PTCH1: variants seen among roughly 807,000 people sequenced by gnomAD.
PTCH1 encodes the protein patched 1.
In PTCH1, 14 loss-of-function variants were observed where a neutral mutation model predicts 144.6. The ratio of observed to expected loss-of-function variants is 0.10; its 90% CI spans 0.06 to 0.15. The LOEUF is 0.15. PTCH1 is among the 10% of genes least tolerant of loss of function. PTCH1 has a pLI of 1.00. For synonymous variants in PTCH1, 833 were observed against 793.6 expected, an observed-to-expected ratio of 1.05 and a Z score of -0.83; for missense variants, 1,623 against 1,948.3, an observed-to-expected ratio of 0.83 and a Z score of 3.14.
At chr9:95,482,478 T>C (rs920171703) in intron 3 of PTCH1, 6 of 494,962 alleles carry the variant, frequency 1.2e-5, no homozygotes, top group African/African-American at 9.7e-5. Context: ...CCAATAATCT[T>C]GTTTACACCA....
chr9:95,479,295 G>C, intron 7 of PTCH1, 148 bp from the exon 8 acceptor site: 1 of 1,036,278 alleles, frequency 9.6e-7, no homozygotes, highest in Non-Finnish European at 1.5e-6. Flanking sequence ...ATGGGACCAG[G>C]ATGGTTATTT....
intron 2 of PTCH1, 78 bp from the exon 3 acceptor site, chr9:95,485,952 C>A (rs1267612156): frequency 6.7e-7 from 1 of 1,482,860 alleles, no homozygotes. Flanking sequence ...TGACTACCTG[C>A]CATAGGATAC....
At position 95,507,905 on chromosome 9, in the gene PTCH1, TACACAC is replaced by T. The variant is rs139956254; in HGVS notation, c.201+250_201+255del. On this transcript the variant is annotated intron_variant, in intron 1 of 23. Coordinates refer to ENST00000331920, the MANE Select transcript of PTCH1 (RefSeq NM_000264.5). ...AGGCACACCAGGGAGGGCGTGTGTA[TACACAC>T]ACACACACGCACACACACACACCTC... 2.7e-4 allele frequency: 347 copies of T among 1,286,442 alleles called. 1 individual carries two copies. The highest frequency in any genetic ancestry group is 3.1e-4 in the Non-Finnish European group (309 of 989,388). The allele number at this position is 1,286,442 out of a possible 1,614,324, so 79.7% of individuals were successfully genotyped here.
At chr9:95,446,599 T>C in intron 23 of PTCH1, 1 of 491,194 alleles carries the variant, frequency 2.0e-6, no homozygotes, top group Non-Finnish European at 3.8e-6. Flanking sequence ...ACCAATTCGC[T>C]GTGGCATGCA....
chr9:95,462,666 G>A (rs937991114), intron 15 of PTCH1, among the ~76,000 whole-genome samples: 5 of 152,206 alleles, frequency 3.3e-5, no homozygotes, highest in African/African-American at 1.2e-4. Context: ...TCGTGTGCAC[G>A]CAGGGAAATA....
chr9:95,508,568 G>C lies in PTCH1; in HGVS notation c.-207C>G. The C allele has an allele frequency of 2.0e-6, 2 of 1,002,088 alleles. No homozygotes were observed. The highest frequency in any genetic ancestry group is 2.4e-6 in the Non-Finnish European group (2 of 841,058). The allele number at this position is 1,002,088 out of a possible 1,614,324, so 62.1% of individuals were successfully genotyped here. A position where few individuals can be genotyped will look rare whatever the true frequency, so the allele number is the denominator to read the frequency against. The stretch of plus-strand genomic sequence containing the variant: ...CGGGCGCTGCTGCCGCTGCGGCCGC[G>C]GCCGCTGCCGGGGAGTCAGACCCTG... On this transcript the variant is annotated 5_prime_UTR_variant, in exon 1 of 24. Coordinates refer to ENST00000331920, the MANE Select transcript of PTCH1 (RefSeq NM_000264.5).
upstream of PTCH1, among the ~76,000 whole-genome samples, chr9:95,512,565 C>CAAT (rs1844208920): frequency 5.3e-5 from 8 of 152,284 alleles, no homozygotes; most frequent in South Asian, 1.7e-3. Flanking sequence ...CTGATGCATG[C>CAAT]GAGTGCGACA....
chr9:95,486,003 A>G lies in PTCH1; in HGVS notation c.395-129T>C. 2.0e-6 allele frequency: 2 copies of G among 993,948 alleles called. 1 individual carries two copies. Among genetic ancestry groups the G allele is most frequent in the South Asian group, 2.7e-5 (2 of 74,234 alleles). 61.6% of individuals were successfully genotyped at this position (993,948 alleles called of 1,614,324 possible). ...TAGTCATGAGACTGGCTGATGTGTG[A>G]GCAGTAACATTCACTTTATTAATGG... On this transcript the variant is annotated intron_variant, in intron 2 of 23. Coordinates refer to ENST00000331920, the MANE Select transcript of PTCH1 (RefSeq NM_000264.5).
At chr9:95,472,621 C>G (rs62558340) in intron 12 of PTCH1, among the ~76,000 whole-genome samples, 3 of 152,006 alleles carry the variant, frequency 2.0e-5, no homozygotes, top group Non-Finnish European at 2.9e-5. Flanking sequence ...AGCAGAGGTT[C>G]GTGACACAGG....
rs373669113 is a variant in PTCH1 at position 95,493,801 on chromosome 9, C to CAAA, written c.395-7930_395-7928dup. ...CTGCCTCTTTTTTATAATCGAAAAA[C>CAAA]AAAAAAAAAAGAAAATTCAGTAATG... On this transcript the variant is annotated intron_variant, in intron 2 of 23. Transcript: ENST00000331920. Among the ~76,000 whole-genome samples, 221 of 146,508 alleles carry CAAA rather than the reference C, an allele frequency of 1.5e-3. 1 individual carries two copies. The highest frequency in any genetic ancestry group is 2.6e-3 in the Non-Finnish European group (172 of 66,144).
chr9:95,515,736 G>C (rs1350551206), intron 1 of PTCH1, among the ~76,000 whole-genome samples: 1 of 152,152 alleles, frequency 6.6e-6, no homozygotes, highest in Non-Finnish European at 1.5e-5. Context: ...CGCCTGAATC[G>C]GTGGGCATAA....
chr9:95,446,772 G>C (rs965546335), intron 23 of PTCH1, 139 bp downstream of exon 23: 51 of 1,127,048 alleles, frequency 4.5e-5, no homozygotes, highest in Non-Finnish European at 6.0e-5. Flanking sequence ...TTGCTCTGGG[G>C]ATAAAAGGTC....
intron 12 of PTCH1, among the ~76,000 whole-genome samples, chr9:95,475,773 C>T (rs1293764068): frequency 3.3e-5 from 5 of 151,992 alleles, no homozygotes; most frequent in African/African-American, 1.2e-4. Flanking sequence ...AAGGACATGG[C>T]CACTCTATAA....
At chr9:95,446,572 G>A (rs571055004) in intron 23 of PTCH1, 181 bp from the exon 24 acceptor site, 9 of 449,454 alleles carry the variant, frequency 2.0e-5, no homozygotes, top group African/African-American at 6.0e-5. Context: ...CTGGTTACAC[G>A]GATGCGTTCC....
chr9:95,459,188 AT>A (rs1839231816), intron 17 of PTCH1, among the ~76,000 whole-genome samples: 1 of 152,212 alleles, frequency 6.6e-6, no homozygotes. Context: ...TTGGTGGCTT[AT>A]AGGAATGACC....
At chr9:95,465,417 A>G (rs1406403471) in intron 15 of PTCH1, among the ~76,000 whole-genome samples, 2 of 152,196 alleles carry the variant, frequency 1.3e-5, no homozygotes, top group Non-Finnish European at 2.9e-5. Context: ...CTTTTAACTC[A>G]TTATCCCAAA....
upstream of PTCH1, among the ~76,000 whole-genome samples, chr9:95,512,416 T>A (rs1015700640): frequency 1.5e-5 from 2 of 137,142 alleles, no homozygotes; most frequent in Non-Finnish European, 3.1e-5. Flanking sequence ...TCTGCTTTTT[T>A]CATACTTAGA....
rs1839153299 is a variant in PTCH1, at chr9:95,458,357, A to C, written c.2888-64T>G. On this transcript the variant is annotated intron_variant, in intron 17 of 23. Transcript: ENST00000331920. This position sits in a 1 kb window ranked among gnomAD's most constrained non-coding sequence, Gnocchi z 4.7. ...TAGAAGAGCATCACAGTTTCAATGG[A>C]AAGAGAGAAGAACTTTGCATGAAAG... is the stretch of plus-strand genomic sequence containing the variant. 4.5e-6 allele frequency: 7 copies of C among 1,567,960 alleles called. No homozygotes were observed. Among genetic ancestry groups the C allele is most frequent in the African/African-American group, 1.4e-5 (1 of 73,776 alleles).
At chr9:95,490,951 C>A (rs1357980558) in intron 2 of PTCH1, among the ~76,000 whole-genome samples, 1 of 152,144 alleles carries the variant, frequency 6.6e-6, no homozygotes, top group African/African-American at 2.4e-5. Context: ...CATTACACAT[C>A]ATATGCTTAT....
Sources: gnomAD v4.1 joint callset for allele counts (sites outside exome capture counted in the v4.1 genomes callset) on GRCh38, gnomAD v4.1.1 for gene constraint, Gnocchi (gnomAD v3.1) non-coding constraint, MANE v1.5 for transcripts, NCBI Gene and HGNC (gene_info 2026-07-23, HGNC 2026-07-21) for gene names.